Variants in CLTCL1 observed in about 807,000 individuals in gnomAD.
CLTCL1 encodes the protein clathrin heavy chain like 1.
CLTCL1 carries 159 observed loss-of-function variants against 190.0 expected under a neutral mutation model. The ratio of observed to expected loss-of-function variants is 0.84; its 90% CI spans 0.74 to 0.95. CLTCL1 has a LOEUF of 0.95. Ranked by LOEUF, CLTCL1 falls within the 40% of genes least tolerant of loss-of-function variation. The pLI, the probability that CLTCL1 is intolerant of heterozygous loss-of-function variation, is 0.00. For missense variants in CLTCL1, 1,878 were observed against 2,033.4 expected (o/e 0.92, Z 1.47); for synonymous variants, 752 against 769.6 (o/e 0.98, Z 0.38).
In CLTCL1 at chr22:19,254,033, C is replaced by A; in HGVS notation, c.445G>T (p.Val149Leu). 1 of 1,612,562 alleles carries A rather than the reference C, an allele frequency of 6.2e-7. No homozygotes were observed. Among genetic ancestry groups the A allele is most frequent in the Non-Finnish European group, 8.5e-7 (1 of 1,179,238 alleles). The change falls in exon 3 of 33, where the codon GTG becomes TTG. Residue 149 changes from valine (V) to leucine (L), a missense_variant. Physicochemically the swap from Val to Leu is conservative, Grantham distance 32. Transcript: ENST00000427926. ...CGGTAGTGAATCACCTGGCAGCCCA[C>A]CAGACTGGTATGTCTATCAAACATC... is the stretch of plus-strand genomic sequence containing the variant. ...MKMFDRHTSL[V>L]GCQVIHYRTD...
chr22:19,183,774 G>A, intron 29 of CLTCL1, 163 bp from the exon 30 acceptor site: 2 of 682,524 alleles, frequency 2.9e-6, no homozygotes, highest in Non-Finnish European at 4.9e-6. Context: ...ATGCCCTGCT[G>A]CCCACTGGTG....
intron 22 of CLTCL1, among the ~76,000 whole-genome samples, chr22:19,202,652 T>C (rs1204600394): frequency 6.8e-6 from 1 of 147,452 alleles, no homozygotes; most frequent in Non-Finnish European, 1.5e-5. Context: ...ATGGCACCTC[T>C]TGTACCACCC....
intron 2 of CLTCL1, among the ~76,000 whole-genome samples, chr22:19,256,994 G>A (rs551602597): frequency 6.6e-6 from 1 of 152,262 alleles, no homozygotes; most frequent in South Asian, 2.1e-4. Flanking sequence ...CAATGAAACA[G>A]AAGAAAGTCT....
At chr22:19,265,626 G>A (rs1569239904) in intron 2 of CLTCL1, among the ~76,000 whole-genome samples, 3 of 152,052 alleles carry the variant, frequency 2.0e-5, no homozygotes, top group Non-Finnish European at 4.4e-5. Flanking sequence ...TTTAACAGAA[G>A]TTAATATTAA....
In CLTCL1 at chr22:19,291,664, C is replaced by T. The variant is rs1555994140; in HGVS notation, c.-23G>A. On this transcript the variant is annotated 5_prime_UTR_variant, in exon 1 of 33. Coordinates refer to ENST00000427926, the MANE Select transcript of CLTCL1 (RefSeq NM_007098.4). ...CATGGCTGGTGCGGGACCTCGGCGG[C>T]GGCGGCGGCAGCGGCAGGAATGAAC... The T allele has an allele frequency of 5.1e-6, 7 of 1,364,164 alleles. No individual in the cohort carries two copies. The highest frequency in any genetic ancestry group is 3.1e-5 in the Admixed American group (1 of 32,106). The allele number at this position is 1,364,164 out of a possible 1,614,324, so 84.5% of individuals were successfully genotyped here.
rs782589827 is a variant in CLTCL1 at position 19,291,668 on chromosome 22, G to GGCGGCA, written c.-33_-28dup. 80 of 1,360,550 alleles carry GGCGGCA rather than the reference G, an allele frequency of 5.9e-5. No homozygotes were observed. The South Asian group carries it at 7.9e-4, about 13-fold the overall frequency. 84.3% of individuals were successfully genotyped at this position (1,360,550 alleles called of 1,614,324 possible). ...GCTGGTGCGGGACCTCGGCGGCGGCGGCGGCAGCGGCAGGAATGAACGCCG... is the reference window on the plus strand; with the variant it reads ...GCTGGTGCGGGACCTCGGCGGCGGCGGCGGCAGCGGCAGCGGCAGGAATGAACGCCG... On this transcript the variant is annotated 5_prime_UTR_variant, in exon 1 of 33. Coordinates refer to ENST00000427926, the MANE Select transcript of CLTCL1 (RefSeq NM_007098.4).
intron 1 of CLTCL1, among the ~76,000 whole-genome samples, chr22:19,290,381 GTAGTC>G (rs2088065884): frequency 6.6e-6 from 1 of 152,208 alleles, no homozygotes; most frequent in Non-Finnish European, 1.5e-5. Flanking sequence ...ATAAAATACA[GTAGTC>G]TAGTGAGTGG....
chr22:19,268,587 A>C (rs2087198691), intron 2 of CLTCL1, among the ~76,000 whole-genome samples: 1 of 152,150 alleles, frequency 6.6e-6, no homozygotes. Flanking sequence ...TAATAATCAT[A>C]TTTAAAAATA....
At chr22:19,274,989 A>G (rs2087450948) in intron 2 of CLTCL1, among the ~76,000 whole-genome samples, 1 of 152,094 alleles carries the variant, frequency 6.6e-6, no homozygotes, top group South Asian at 2.1e-4. Flanking sequence ...TCGGCCTCCC[A>G]AAGTGCTGGG....
At chr22:19,195,998 A>G (rs2084689418) in intron 26 of CLTCL1, among the ~76,000 whole-genome samples, 1 of 152,242 alleles carries the variant, frequency 6.6e-6, no homozygotes, top group African/African-American at 2.4e-5. Context: ...AGGCAGGGCC[A>G]CAGGGCCACG....
intron 29 of CLTCL1, chr22:19,184,736 CT>C (rs1285047008): frequency 2.0e-5 from 7 of 353,258 alleles, no homozygotes; most frequent in African/African-American, 1.5e-4. Context: ...TGGGGACTGT[CT>C]CACTGCCTTC....
At chr22:19,250,663 C>T (rs181499349) in intron 3 of CLTCL1, among the ~76,000 whole-genome samples, 28 of 152,250 alleles carry the variant, frequency 1.8e-4, no homozygotes, top group Non-Finnish European at 3.2e-4. Flanking sequence ...AAGCAATTCT[C>T]CCACCTCAGC....
chr22:19,233,354 G>A (rs1388790634), intron 8 of CLTCL1, 36 bp from the exon 9 acceptor site: 2 of 1,610,320 alleles, frequency 1.2e-6, no homozygotes, highest in Non-Finnish European at 1.7e-6. Context: ...AAGTTAGGAG[G>A]CAGGTAGGGA....
At position 19,187,985 on chromosome 22, in the gene CLTCL1, T is replaced by C. The variant is rs782208856; in HGVS notation, c.4430A>G (p.Tyr1477Cys). The C allele has an allele frequency of 1.7e-5, 27 of 1,613,676 alleles. No individual in the cohort carries two copies. Among genetic ancestry groups the C allele is most frequent in the Non-Finnish European group, 2.1e-5 (25 of 1,179,710 alleles). ...GGCTCCTTCCTGCACACCCACCTGA[T>C]AGTCCTCCTCCTCTGTCAGCAGGTG... The part of the protein sequence containing the change: ...LNHLLTEEED[Y>C]QGLRASIDAY... The change falls in exon 28 of 33, where the codon TAT becomes TGT. Residue 1477 changes from tyrosine (Y) to cysteine (C), a missense_variant. Physicochemically the swap from Tyr to Cys is radical, Grantham distance 194. Coordinates refer to ENST00000427926, the MANE Select transcript of CLTCL1 (RefSeq NM_007098.4).
rs1018849214 is a variant in CLTCL1, at chr22:19,186,340, G to A, written c.4605+1218C>T. On this transcript the variant is annotated intron_variant, in intron 29 of 32. Coordinates refer to ENST00000427926, the MANE Select transcript of CLTCL1 (RefSeq NM_007098.4). ...TTGTACAACTCCACCTCACCCCCGC[G>A]GGGAGATGTTCAGGCCAAGCAGAGG... Among the ~76,000 whole-genome samples, 17 of 152,090 alleles carry A rather than the reference G, an allele frequency of 1.1e-4. 1 individual carries two copies. The East Asian group carries it at 1.7e-3, about 16-fold the overall frequency.
chr22:19,219,686 G>A (rs1333763727), intron 18 of CLTCL1, among the ~76,000 whole-genome samples, 199 bp downstream of exon 18: 1 of 152,010 alleles, frequency 6.6e-6, no homozygotes, highest in African/African-American at 2.4e-5. Flanking sequence ...GTTTCACCAC[G>A]TTGGCCAGGC....
chr22:19,272,772 T>C (rs2087366090), intron 2 of CLTCL1, among the ~76,000 whole-genome samples: 1 of 152,052 alleles, frequency 6.6e-6, no homozygotes, highest in African/African-American at 2.4e-5. Context: ...ACGCCCGGCC[T>C]TAATTTAATT....
chr22:19,190,232 ACAGG>A (rs1555930782), intron 27 of CLTCL1, among the ~76,000 whole-genome samples: 2 of 152,218 alleles, frequency 1.3e-5, no homozygotes. Flanking sequence ...TGTTGGGATT[ACAGG>A]CATAAGCCAC....
At chr22:19,182,960 G>C in intron 30 of CLTCL1, 1 of 237,712 alleles carries the variant, frequency 4.2e-6, no homozygotes, top group Non-Finnish European at 8.4e-6. Flanking sequence ...CTCCTACTAT[G>C]TGTTCAGCAA....
Sources: allele counts gnomAD v4.1 joint callset (sites outside exome capture counted in the v4.1 genomes callset), GRCh38; gene constraint gnomAD v4.1.1; transcripts MANE v1.5; gene names NCBI Gene and HGNC (gene_info 2026-07-23, HGNC 2026-07-21).